PRKAR1A: variants seen among roughly 807,000 people sequenced by gnomAD.
PRKAR1A encodes the protein protein kinase cAMP-dependent type I regulatory subunit alpha, also known as cAMP-dependent protein kinase type I-alpha regulatory subunit.
PRKAR1A carries 3 observed loss-of-function variants against 52.0 expected under a neutral mutation model. That is an observed-to-expected ratio of 0.06 (90% CI 0.03 to 0.15). The LOEUF is 0.15. PRKAR1A is among the 10% of genes least tolerant of loss of function. The probability of loss-of-function intolerance (pLI) is 1.00; values close to 1 mark genes in which losing one functional copy is unlikely to be tolerated. For synonymous variants in PRKAR1A, 188 were observed against 168.4 expected, an observed-to-expected ratio of 1.12 and a Z score of -0.90; for missense variants, 240 against 477.4, an observed-to-expected ratio of 0.50 and a Z score of 4.63.
chr17:68,453,916 G>A, the PRKAR1A span, among the ~76,000 whole-genome samples: 1 of 152,142 alleles, frequency 6.6e-6, no homozygotes, highest in Admixed American at 6.5e-5. Context: ...ACTCAGCTGG[G>A]AAGTTTAATT....
At chr17:68,476,929 G>A in the PRKAR1A span, among the ~76,000 whole-genome samples, 1 of 151,906 alleles carries the variant, frequency 6.6e-6, no homozygotes, top group African/African-American at 2.4e-5. Flanking sequence ...CAAAGTGTTG[G>A]GATTACAGGC....
the PRKAR1A span, among the ~76,000 whole-genome samples, chr17:68,472,597 G>C: frequency 6.6e-6 from 1 of 152,086 alleles, no homozygotes; most frequent in African/African-American, 2.4e-5. Context: ...AGAGTGATGC[G>C]TGAGCATCAC....
the PRKAR1A span, among the ~76,000 whole-genome samples, chr17:68,443,745 T>C: frequency 2.0e-5 from 3 of 152,220 alleles, no homozygotes; most frequent in Non-Finnish European, 2.9e-5. Context: ...TGAAATATAA[T>C]AGAAGCAGTT....
chr17:68,521,017 C>T (rs770042582), intron 2 of PRKAR1A, among the ~76,000 whole-genome samples: 12 of 152,208 alleles, frequency 7.9e-5, no homozygotes, highest in Non-Finnish European at 1.5e-4. Flanking sequence ...TCTCGGCTCA[C>T]TGCAACCTCT....
At chr17:68,540,438 C>T (rs2143468281) in intron 11 of PRKAR1A, 12 of 466,526 alleles carry the variant, frequency 2.6e-5, no homozygotes, top group South Asian at 1.9e-4. Flanking sequence ...TGTCTCGTCT[C>T]CCTAGAAGTC....
At chr17:68,551,197 C>T in exon 12 of PRKAR1A, 2 of 1,115,864 alleles carry the variant, frequency 1.8e-6, no homozygotes, top group Non-Finnish European at 2.3e-6. Context: ...AACCCAAACT[C>T]ACACCAAGCT....
the PRKAR1A span, among the ~76,000 whole-genome samples, chr17:68,496,798 G>C: frequency 9.0e-5 from 13 of 144,040 alleles, no homozygotes; most frequent in Non-Finnish European, 4.6e-5. Context: ...TTTTTGTACA[G>C]CTCTTAAGCT....
chr17:68,534,998 C>T (rs1300508318), downstream of PRKAR1A: 1 of 308,334 alleles, frequency 3.2e-6, no homozygotes, highest in Non-Finnish European at 6.3e-6. Flanking sequence ...AATATTCAAA[C>T]TCATATTGTC....
At chr17:68,472,112 C>T in the PRKAR1A span, among the ~76,000 whole-genome samples, 1 of 152,090 alleles carries the variant, frequency 6.6e-6, no homozygotes, top group Non-Finnish European at 1.5e-5. Context: ...CCTGCACTGC[C>T]TAGTTTCTAA....
chr17:68,420,421 C>A, the PRKAR1A span: 2 of 1,614,208 alleles, frequency 1.2e-6, no homozygotes, highest in South Asian at 1.1e-5. Flanking sequence ...TAACTCCCTG[C>A]TGTAATCCCT....
chr17:68,525,466 C>G (rs938511210), intron 6 of PRKAR1A, among the ~76,000 whole-genome samples: 2 of 152,198 alleles, frequency 1.3e-5, no homozygotes, highest in Non-Finnish European at 2.9e-5. Context: ...GCACGGTTCT[C>G]TAAGTATCTG....
At chr17:68,461,212 CAAAA>C in the PRKAR1A span, among the ~76,000 whole-genome samples, 6 of 152,012 alleles carry the variant, frequency 3.9e-5, no homozygotes, top group East Asian at 1.2e-3. This position sits in a 1 kb window ranked among gnomAD's most constrained non-coding sequence, Gnocchi z 4.6. Context: ...AACAAACAAA[CAAAA>C]AACTCCATTA....
chr17:68,424,703 C>G, the PRKAR1A span, among the ~76,000 whole-genome samples: 1 of 152,164 alleles, frequency 6.6e-6, no homozygotes, highest in Non-Finnish European at 1.5e-5. Context: ...TGGTGAAACC[C>G]CGTCTCTACT....
intron 11 of PRKAR1A, chr17:68,539,422 G>A (rs1177062391): frequency 6.2e-7 from 1 of 1,610,146 alleles, no homozygotes; most frequent in Admixed American, 1.7e-5. Context: ...GGCTTTTATG[G>A]GTGGCCGGCA....
Position 68,532,927 on chromosome 17 carries a change from C to T in PRKAR1A, c.*2478C>T, listed in dbSNP as rs574754572. 46 of 1,065,776 alleles carry T rather than the reference C, an allele frequency of 4.3e-5. No individual in the cohort carries two copies. In the African/African-American group the frequency reaches 7.4e-4, roughly 17 times the overall value. 66.0% of individuals were successfully genotyped at this position (1,065,776 alleles called of 1,614,324 possible). On this transcript the variant is annotated 3_prime_UTR_variant, in exon 11 of 11. Transcript: ENST00000589228. ...TTATTTTCAGTGCTTTTCAGTTTGT[C>T]AAAGAGTGGATCTCAAAATCTTGCT...
chr17:68,436,550 TGAAAACA>T, the PRKAR1A span: 2 of 1,436,836 alleles, frequency 1.4e-6, no homozygotes, highest in Admixed American at 3.5e-5. Flanking sequence ...AGAGGGCATC[TGAAAACA>T]GTACAGCTAC....
At chr17:68,520,056 T>A (rs1429718651) in intron 2 of PRKAR1A, among the ~76,000 whole-genome samples, 1 of 152,242 alleles carries the variant, frequency 6.6e-6, no homozygotes, top group Non-Finnish European at 1.5e-5. Context: ...GCCTGTCTTA[T>A]GTTCTTGACA....
the PRKAR1A span, chr17:68,457,260 C>T: frequency 6.7e-7 from 1 of 1,493,176 alleles, no homozygotes; most frequent in African/African-American, 1.4e-5. Flanking sequence ...AGGCGGAAGC[C>T]ACAAGCTGCT....
the PRKAR1A span, chr17:68,421,720 C>A: frequency 6.2e-7 from 1 of 1,613,586 alleles, no homozygotes; most frequent in Non-Finnish European, 8.5e-7. Flanking sequence ...TCCTTGTTTT[C>A]TCCAAAACCA....
Sources: allele counts gnomAD v4.1 joint callset (sites outside exome capture counted in the v4.1 genomes callset), GRCh38; gene constraint gnomAD v4.1.1; non-coding constraint Gnocchi (gnomAD v3.1); transcripts MANE v1.5; gene names NCBI Gene and HGNC (gene_info 2026-07-23, HGNC 2026-07-21).